SLC16A7: variants seen among roughly 807,000 people sequenced by gnomAD.
SLC16A7 encodes the protein solute carrier family 16 member 7.
A neutral mutation model predicts 34.9 loss-of-function variants in SLC16A7; 33 were observed. The observed-to-expected ratio is 0.94, with a 90% CI of 0.72 to 1.26. The LOEUF is 1.26. Ranked by LOEUF, SLC16A7 falls within the 50% of genes most tolerant of loss-of-function variation. SLC16A7 has a pLI of 0.00. For missense variants in SLC16A7, 573 were observed against 578.1 expected (o/e 0.99, Z 0.09); for synonymous variants, 201 against 206.6 (o/e 0.97, Z 0.23).
Position 59,755,418 on chromosome 12 carries a change from A to T in SLC16A7, c.218-15801A>T, listed in dbSNP as rs566412472. ...CAACTTCAGCAAAGTCTCAGGATAG[A>T]AAATTAATGTACAAAAATCACAAGC... is the stretch of plus-strand genomic sequence containing the variant. On this transcript the variant is annotated intron_variant, in intron 3 of 5. Coordinates refer to ENST00000547379, the MANE Select transcript of SLC16A7 (RefSeq NM_001270623.2). Among the ~76,000 whole-genome samples, 35 of 152,354 alleles carry T rather than the reference A, an allele frequency of 2.3e-4. 1 individual carries two copies. The South Asian group carries it at 6.4e-3, about 28-fold the overall frequency.
chr12:59,605,701 T>C (rs926694829), intron 1 of SLC16A7, among the ~76,000 whole-genome samples: 1 of 152,222 alleles, frequency 6.6e-6, no homozygotes, highest in African/African-American at 2.4e-5. Flanking sequence ...TTAAGCAATT[T>C]ATGTCCTTGA....
At chr12:59,700,619 G>A (rs1426383056) in intron 2 of SLC16A7, among the ~76,000 whole-genome samples, 1 of 150,348 alleles carries the variant, frequency 6.7e-6, no homozygotes, top group African/African-American at 2.4e-5. Context: ...TATAAATTTA[G>A]GAACACATAC....
At chr12:59,625,787 C>A (rs1879899931) in intron 1 of SLC16A7, among the ~76,000 whole-genome samples, 1 of 151,762 alleles carries the variant, frequency 6.6e-6, no homozygotes, top group African/African-American at 2.4e-5. Flanking sequence ...CATTCAGCAC[C>A]ATTGAGAAGC....
intron 1 of SLC16A7, among the ~76,000 whole-genome samples, chr12:59,606,752 G>T (rs1331012484): frequency 6.6e-6 from 1 of 152,056 alleles, no homozygotes; most frequent in Non-Finnish European, 1.5e-5. Flanking sequence ...AAAATACCTG[G>T]ACAAATATGT....
chr12:59,612,364 G>T (rs1260429572), intron 1 of SLC16A7, among the ~76,000 whole-genome samples: 6 of 152,168 alleles, frequency 3.9e-5, no homozygotes, highest in Non-Finnish European at 8.8e-5. Context: ...TGGAGCTGAA[G>T]CAACTGACAC....
intron 3 of SLC16A7, chr12:59,733,716 C>G (rs1248993158): frequency 8.8e-6 from 4 of 456,048 alleles, no homozygotes; most frequent in Admixed American, 7.0e-5. Context: ...CGCCATTCAG[C>G]AGGTCCCAAG....
At chr12:59,727,170 A>ATATATAATATATATATATATATATAAT (rs1555174538) in intron 3 of SLC16A7, among the ~76,000 whole-genome samples, 22 of 144,386 alleles carry the variant, frequency 1.5e-4, no homozygotes, top group African/African-American at 5.6e-4. Context: ...ATATATATAT[A>ATATATAATATATATATATATATATAAT]ATATATATAT....
intron 3 of SLC16A7, among the ~76,000 whole-genome samples, chr12:59,735,173 A>G (rs772203221): frequency 6.6e-6 from 1 of 152,226 alleles, no homozygotes; most frequent in African/African-American, 2.4e-5. Context: ...GATTTGAGAT[A>G]TATTTAACTT....
chr12:59,600,269 T>C (rs1878621745), intron 1 of SLC16A7, among the ~76,000 whole-genome samples: 1 of 152,228 alleles, frequency 6.6e-6, no homozygotes, highest in African/African-American at 2.4e-5. Flanking sequence ...TTAACAGATT[T>C]TTGGGAACTC....
intron 2 of SLC16A7, among the ~76,000 whole-genome samples, chr12:59,680,475 T>TA (rs778141333): frequency 3.7e-4 from 57 of 152,306 alleles, no homozygotes; most frequent in South Asian, 4.2e-4. Context: ...AGGAGGTTCT[T>TA]TAGCCTCTAC....
At chr12:59,697,132 A>C (rs964409747) in intron 2 of SLC16A7, among the ~76,000 whole-genome samples, 8 of 152,004 alleles carry the variant, frequency 5.3e-5, no homozygotes, top group Admixed American at 3.3e-4. Flanking sequence ...AGTAGTTGAC[A>C]ATTCAGAGAA....
In SLC16A7 at chr12:59,784,638, T is replaced by G. The variant is rs1883490148; in HGVS notation, c.*4959T>G. 6.6e-6 allele frequency: 1 copy of G among 152,206 alleles called. No homozygotes were observed. The highest frequency in any genetic ancestry group is 2.4e-5 in the African/African-American group (1 of 41,456). The allele number at this position is 152,206 out of a possible 1,614,324, so 9.4% of individuals were successfully genotyped here. A position where few individuals can be genotyped will look rare whatever the true frequency, so the allele number is the denominator to read the frequency against. The stretch of plus-strand genomic sequence containing the variant: ...CTGTAGAGAAAACAAGTGTCATTGC[T>G]TTTGTCTTCTCCATCTAGACTTTTG... On this transcript the variant is annotated 3_prime_UTR_variant, in exon 6 of 6. Coordinates refer to ENST00000547379, the MANE Select transcript of SLC16A7 (RefSeq NM_001270623.2).
chr12:59,714,445 G>A (rs1874636915), intron 3 of SLC16A7, among the ~76,000 whole-genome samples: 1 of 152,170 alleles, frequency 6.6e-6, no homozygotes, highest in African/African-American at 2.4e-5. Flanking sequence ...TGCCAGTAGG[G>A]CTGGTTTCTG....
chr12:59,643,169 A>G (rs975558504), intron 1 of SLC16A7, among the ~76,000 whole-genome samples: 1 of 152,116 alleles, frequency 6.6e-6, no homozygotes, highest in Admixed American at 6.6e-5. Flanking sequence ...TATTTACTCC[A>G]ATGTAATTAT....
chr12:59,622,903 T>G (rs2136982925), intron 1 of SLC16A7, among the ~76,000 whole-genome samples: 1 of 151,844 alleles, frequency 6.6e-6, no homozygotes, highest in East Asian at 1.9e-4. Context: ...TCCAGCTTTG[T>G]TTTTTCATCT....
intron 1 of SLC16A7, among the ~76,000 whole-genome samples, chr12:59,608,908 A>G (rs1438761756): frequency 1.3e-5 from 2 of 152,202 alleles, no homozygotes; most frequent in Non-Finnish European, 2.9e-5. Flanking sequence ...ATGCCTAGAA[A>G]CCTAATTATG....
chr12:59,627,327 T>C (rs1050333227), intron 1 of SLC16A7, among the ~76,000 whole-genome samples: 9 of 151,918 alleles, frequency 5.9e-5, no homozygotes, highest in Non-Finnish European at 8.8e-5. Context: ...GTACATAAAG[T>C]TTGATAGACC....
At chr12:59,657,841 T>C (rs1868615148) in intron 2 of SLC16A7, among the ~76,000 whole-genome samples, 1 of 151,978 alleles carries the variant, frequency 6.6e-6, no homozygotes, top group African/African-American at 2.4e-5. Context: ...GATTCTAGCA[T>C]TATAGTTAGG....
intron 3 of SLC16A7, among the ~76,000 whole-genome samples, chr12:59,749,487 C>T (rs1267118002): frequency 1.3e-5 from 2 of 152,096 alleles, no homozygotes. Context: ...TACTTGCCCC[C>T]ATACACAAAA....
Sources: allele counts gnomAD v4.1 joint callset (sites outside exome capture counted in the v4.1 genomes callset), GRCh38; gene constraint gnomAD v4.1.1; transcripts MANE v1.5; gene names NCBI Gene and HGNC (gene_info 2026-07-23, HGNC 2026-07-21).